The following MAN1B1 variants were observed in gnomAD, a reference collection of about 807,000 sequenced individuals.
MAN1B1 encodes endoplasmic reticulum mannosyl-oligosaccharide 1,2-alpha-mannosidase.
A neutral mutation model predicts 75.5 loss-of-function variants in MAN1B1; 66 were observed. The ratio of observed to expected loss-of-function variants is 0.87; its 90% CI spans 0.72 to 1.07. MAN1B1 has a LOEUF of 1.07. MAN1B1 is among the 50% of genes least tolerant of loss of function. MAN1B1 has a pLI of 0.00. For synonymous variants in MAN1B1, 453 were observed against 382.8 expected (o/e 1.18, Z -2.14); for missense variants, 973 against 912.5 (o/e 1.07, Z -0.85).
At position 137,106,799 on chromosome 9, in the gene MAN1B1, G is replaced by T. The variant is rs763074368; in HGVS notation, c.1556G>T (p.Ser519Ile). Residue 519 changes from serine (S) to isoleucine (I), a missense_variant, in exon 10 of 13, where the codon AGT becomes ATT. Ser to Ile is a moderately radical substitution (Grantham distance 142, BLOSUM62 -2). Transcript: ENST00000371589. Reference protein sequence around the residue: ...FVGELAHGRFSAKMDHLVCFL... With the variant: ...FVGELAHGRFIAKMDHLVCFL... ...GGGGAGCTTGCCCACGGCCGCTTCA[G>T]TGCCAAGATGGTGAGTGTGTCTGCG... 39 of 1,613,214 alleles carry T rather than the reference G, an allele frequency of 2.4e-5. No individual in the cohort carries two copies. In the Admixed American group the frequency reaches 6.3e-4, roughly 26 times the overall value.
intron 3 of MAN1B1, among the ~76,000 whole-genome samples, chr9:137,092,557 A>G (rs1349160758): frequency 3.3e-5 from 5 of 152,138 alleles, no homozygotes; most frequent in Non-Finnish European, 5.9e-5. Flanking sequence ...CATTTTCTAA[A>G]TCATTTATCT....
At chr9:137,098,155 G>A (rs1471513342) in intron 5 of MAN1B1, among the ~76,000 whole-genome samples, 1 of 152,246 alleles carries the variant, frequency 6.6e-6, no homozygotes, top group Non-Finnish European at 1.5e-5. Context: ...TGCAGAAGAA[G>A]GTGTGTCTGA....
intron 12 of MAN1B1, chr9:137,108,187 A>C: frequency 3.2e-6 from 2 of 621,848 alleles, no homozygotes; most frequent in Non-Finnish European, 5.7e-6. Flanking sequence ...TGTCGTGGTC[A>C]CTTGAGGGTT....
intron 8 of MAN1B1, chr9:137,104,120 C>T (rs1266897108): frequency 2.2e-6 from 1 of 454,134 alleles, no homozygotes; most frequent in Non-Finnish European, 4.4e-6. Context: ...TCTCCCATCA[C>T]ACAGTGACCC....
chr9:137,087,082 C>T lies in MAN1B1; in HGVS notation c.83C>T (p.Pro28Leu), dbSNP rs1027972188. The change falls in exon 1 of 13, where the codon CCT (proline) becomes CTT (leucine). Residue 28 changes from proline to leucine, a missense_variant. Transcript: ENST00000371589. ...DFLTPPVGGA[P>L]WAVATTVVMY... ...CTGACGCCGCCAGTGGGCGGGGCCC[C>T]TTGGGCCGTCGCCACCACTGTAGTC... The T allele has an allele frequency of 4.4e-6, 7 of 1,600,716 alleles. No homozygotes were observed. The highest frequency in any genetic ancestry group is 4.0e-5 in the African/African-American group (3 of 74,854).
chr9:137,091,683 C>T (rs559457727), intron 3 of MAN1B1, among the ~76,000 whole-genome samples: 77 of 152,098 alleles, frequency 5.1e-4, no homozygotes, highest in African/African-American at 1.7e-3. Flanking sequence ...CCCGCCACCA[C>T]GCCCGGCTAA....
In MAN1B1 at chr9:137,088,598, C is replaced by T. The variant is rs566183822; in HGVS notation, c.329-271C>T. 10 of 685,226 alleles carry T rather than the reference C, an allele frequency of 1.5e-5. No homozygotes were observed. In the East Asian group the frequency reaches 3.2e-4, roughly 22 times the overall value. 42.4% of individuals were successfully genotyped at this position (685,226 alleles called of 1,614,324 possible). A position where few individuals can be genotyped will look rare whatever the true frequency, so the allele number is the denominator to read the frequency against. ...CTCTTTGGAGCAAAGCTAAAGGGCTCCTGCCCACCTGCCACATGCTGAACG... is the reference window on the plus strand; with the variant it reads ...CTCTTTGGAGCAAAGCTAAAGGGCTTCTGCCCACCTGCCACATGCTGAACG... On this transcript the variant is annotated intron_variant, in intron 2 of 12. Transcript: ENST00000371589.
chr9:137,087,030 G>A lies in MAN1B1; in HGVS notation c.31G>A (p.Ala11Thr), dbSNP rs749070111. 2.8e-5 allele frequency: 45 copies of A among 1,602,316 alleles called. 2 individuals are homozygous for A. The South Asian group carries it at 4.4e-4, about 16-fold the overall frequency. The change falls in exon 1 of 13, where the codon GCT becomes ACT. Residue 11 changes from alanine (A) to threonine (T), a missense_variant. Physicochemically the swap from Ala to Thr is moderately conservative, Grantham distance 58 (BLOSUM62 0). Transcript: ENST00000371589. ...TGCCTGCGAGGGCAGGAGAAGCGGAGCTCTCGGTTCCTCTCAGTCGGACTT... is the reference window on the plus strand; with the variant it reads ...TGCCTGCGAGGGCAGGAGAAGCGGAACTCTCGGTTCCTCTCAGTCGGACTT... The part of the protein sequence containing the change: MAACEGRRSG[A>T]LGSSQSDFLT...
intron 8 of MAN1B1, chr9:137,104,096 C>G (rs760167922): frequency 1.0e-4 from 47 of 456,690 alleles, no homozygotes; most frequent in Admixed American, 2.1e-4. Context: ...CCCTTTTCAT[C>G]TTAAAACTGA....
At position 137,108,177 on chromosome 9, in the gene MAN1B1, T is replaced by C. The variant is rs1831186262; in HGVS notation, c.1897-211T>C. The C allele has an allele frequency of 4.9e-6, 3 of 617,342 alleles. No homozygotes were observed. The South Asian group carries it at 5.8e-5, about 12-fold the overall frequency. The allele number at this position is 617,342 out of a possible 1,614,324, so 38.2% of individuals were successfully genotyped here. A position where few individuals can be genotyped will look rare whatever the true frequency, so the allele number is the denominator to read the frequency against. On this transcript the variant is annotated intron_variant, in intron 12 of 12. Transcript: ENST00000371589. ...CCCAGGTTCTGGGGGAGGCGGTTTC[T>C]GTCGTGGTCACTTGAGGGTTGTTGG...
At chr9:137,096,173 T>C (rs1830644804) in intron 3 of MAN1B1, 64 bp from the exon 4 acceptor site, 2 of 1,568,412 alleles carry the variant, frequency 1.3e-6, no homozygotes, top group Non-Finnish European at 1.8e-6. Flanking sequence ...GGGCGTCCCA[T>C]AGAGGGAAAG....
chr9:137,087,248 C>T, intron 1 of MAN1B1, 30 bp downstream of exon 1: 1 of 1,549,768 alleles, frequency 6.5e-7, no homozygotes, highest in South Asian at 1.2e-5. Flanking sequence ...GACTGGGGCC[C>T]GGGGCTGCCG....
At chr9:137,087,398 G>C (rs553122526) in intron 1 of MAN1B1, 180 bp downstream of exon 1, 4 of 813,970 alleles carry the variant, frequency 4.9e-6, no homozygotes, top group South Asian at 2.9e-5. Flanking sequence ...TGGGCGGCTC[G>C]CCTGCAGCGG....
chr9:137,103,972 T>G (rs1309277573), intron 8 of MAN1B1: 4 of 434,718 alleles, frequency 9.2e-6, no homozygotes, highest in African/African-American at 8.3e-5. Context: ...TGCACATTCA[T>G]GCTGTTGCAG....
chr9:137,095,618 G>A (rs951388178), intron 3 of MAN1B1, among the ~76,000 whole-genome samples: 2 of 152,176 alleles, frequency 1.3e-5, no homozygotes, highest in Admixed American at 6.5e-5. Context: ...CCATAGGAGA[G>A]AATGGATTTG....
At chr9:137,107,848 G>A (rs1489413607) in intron 12 of MAN1B1, 186 bp downstream of exon 12, 2 of 757,466 alleles carry the variant, frequency 2.6e-6, no homozygotes, top group Non-Finnish European at 4.5e-6. Context: ...TCCCCACTGA[G>A]CTTCATGGTT....
intron 10 of MAN1B1, 95 bp from the exon 11 acceptor site, chr9:137,107,155 C>G (rs1295487891): frequency 7.4e-7 from 1 of 1,355,302 alleles, no homozygotes; most frequent in Non-Finnish European, 1.0e-6. Context: ...GTACCAGGGC[C>G]GAGGCAGCGC....
At chr9:137,088,032 T>G in intron 1 of MAN1B1, 43 bp from the exon 2 acceptor site, 27 of 1,418,970 alleles carry the variant, frequency 1.9e-5, no homozygotes, top group Non-Finnish European at 2.6e-5. Context: ...ACGTTCCGTG[T>G]GATATATTCA....
chr9:137,091,115 C>T (rs916362110), intron 3 of MAN1B1, among the ~76,000 whole-genome samples: 1 of 152,224 alleles, frequency 6.6e-6, no homozygotes, highest in Non-Finnish European at 1.5e-5. Context: ...GGATTTCTGC[C>T]TTTGACCAAG....
Sources: gnomAD v4.1 joint callset for allele counts (sites outside exome capture counted in the v4.1 genomes callset) on GRCh38, gnomAD v4.1.1 for gene constraint, MANE v1.5 for transcripts, NCBI Gene and HGNC (gene_info 2026-07-23, HGNC 2026-07-21) for gene names.